Variants in MIER3 observed in about 807,000 individuals in gnomAD.
MIER3 encodes the protein MIER family member 3.
In MIER3, 9 loss-of-function variants were observed where a neutral mutation model predicts 63.2. That is an observed-to-expected ratio of 0.14 (90% CI 0.09 to 0.25). MIER3 has a LOEUF of 0.25. Ranked by LOEUF, MIER3 falls within the 10% of genes least tolerant of loss-of-function variation. The pLI, the probability that MIER3 is intolerant of heterozygous loss-of-function variation, is 1.00. For synonymous variants in MIER3, 205 were observed against 224.9 expected (o/e 0.91, Z 0.79); for missense variants, 512 against 666.2 (o/e 0.77, Z 2.55).
At chr5:56,940,548 G>T (rs1275456074) in intron 3 of MIER3, among the ~76,000 whole-genome samples, 1 of 152,234 alleles carries the variant, frequency 6.6e-6, no homozygotes, top group African/African-American at 2.4e-5. Flanking sequence ...TATGCTCAAT[G>T]AACTTACAAA....
At chr5:56,931,853 G>A (rs776025315) in intron 8 of MIER3, among the ~76,000 whole-genome samples, 5 of 152,168 alleles carry the variant, frequency 3.3e-5, no homozygotes, top group Non-Finnish European at 7.3e-5. Context: ...CAATTATGAG[G>A]TGTCAAAAAT....
intron 1 of MIER3, among the ~76,000 whole-genome samples, chr5:56,951,131 T>A (rs1172678619): frequency 6.6e-6 from 1 of 152,068 alleles, no homozygotes; most frequent in African/African-American, 2.4e-5. Flanking sequence ...GAAGCCGATC[T>A]CTTCCCCTGC....
intron 2 of MIER3, 140 bp downstream of exon 2, chr5:56,950,488 C>T: frequency 1.1e-6 from 1 of 870,296 alleles, no homozygotes; most frequent in Non-Finnish European, 1.8e-6. Flanking sequence ...CCAAACTTTA[C>T]TAAATGCACA....
chr5:56,937,737 T>A, intron 4 of MIER3, 39 bp from the exon 5 acceptor site: 1 of 1,511,974 alleles, frequency 6.6e-7, no homozygotes, highest in Non-Finnish European at 8.9e-7. Context: ...TTAGAAATGA[T>A]TACATCTCAT....
chr5:56,947,502 A>T (rs1750866464), intron 2 of MIER3, among the ~76,000 whole-genome samples: 1 of 152,214 alleles, frequency 6.6e-6, no homozygotes, highest in Admixed American at 6.5e-5. Flanking sequence ...TGCACACTTC[A>T]GGATAATATA....
chr5:56,923,250 G>C lies in MIER3; in HGVS notation c.1531C>G (p.His511Asp). 1.2e-6 allele frequency: 2 copies of C among 1,614,128 alleles called. No individual in the cohort carries two copies. The highest frequency in any genetic ancestry group is 1.1e-5 in the South Asian group (1 of 91,062). Reference protein sequence around the residue: ...LGVDFENHTHHITSAKMAVSV... With the variant: ...LGVDFENHTHDITSAKMAVSV... ...ACAGCCATTTTGGCACTGGTGATGTGATGTGTGTGATTTTCAAAGTCCACA... is the reference window on the plus strand; with the variant it reads ...ACAGCCATTTTGGCACTGGTGATGTCATGTGTGTGATTTTCAAAGTCCACA... Residue 511 changes from histidine (H) to aspartate (D), a missense_variant, in exon 13 of 13, where the codon CAC (histidine) becomes GAC (aspartate). His to Asp is a moderately conservative substitution (Grantham distance 81). Around this residue, in one of 5 missense-constraint regions of MIER3, gnomAD observed 218 missense variants for 251.2 expected, o/e 0.87. Transcript: ENST00000381199.
At chr5:56,933,607 A>G (rs1397060811) in intron 7 of MIER3, among the ~76,000 whole-genome samples, 1 of 152,224 alleles carries the variant, frequency 6.6e-6, no homozygotes, top group African/African-American at 2.4e-5. Context: ...CAGGGGCCAA[A>G]GCAAGTAGCT....
At position 56,935,748 on chromosome 5, in the gene MIER3, T is replaced by G; in HGVS notation, c.440A>C (p.Asn147Thr). 2 of 1,613,130 alleles carry G rather than the reference T, an allele frequency of 1.2e-6. No individual in the cohort carries two copies. The highest frequency in any genetic ancestry group is 1.7e-6 in the Non-Finnish European group (2 of 1,179,652). ...TTCCTTATCACCATCACATGCAGTA[T>G]TTGCTTAAAAGACAAAAATTAAAAA... is the stretch of plus-strand genomic sequence containing the variant. ...SDFFPRPLRS[N>T]TACDGDKESE... Residue 147 changes from asparagine (N) to threonine (T), a missense_variant, in exon 6 of 13, where the codon AAT (asparagine) becomes ACT (threonine). Physicochemically the swap from Asn to Thr is moderately conservative, Grantham distance 65 (BLOSUM62 0). Coordinates refer to ENST00000381199, the MANE Select transcript of MIER3 (RefSeq NM_001297599.2).
intron 3 of MIER3, among the ~76,000 whole-genome samples, chr5:56,942,201 G>A (rs974191655): frequency 2.6e-5 from 4 of 152,216 alleles, no homozygotes; most frequent in Non-Finnish European, 5.9e-5. Context: ...AGAAGTTGAT[G>A]AGCTCACCCA....
intron 7 of MIER3, among the ~76,000 whole-genome samples, chr5:56,935,041 T>C (rs1013608928): frequency 5.9e-5 from 9 of 152,192 alleles, no homozygotes; most frequent in Admixed American, 3.9e-4. Context: ...CCAGTCTCTT[T>C]TTCCCTCAAG....
Position 56,938,944 on chromosome 5 carries a change from G to C in MIER3, c.254C>G (p.Ser85Cys). The stretch of plus-strand genomic sequence containing the variant: ...TTCACTTGGGGAACTATTTGCACTG[G>C]AATTTGCAACTGCTGGAATTGTAGG... ...YEPTIPAVANSSANSSPSELA... is the reference protein window; with the variant it reads ...YEPTIPAVANCSANSSPSELA... The change falls in exon 4 of 13, where the codon TCC (serine) becomes TGC (cysteine). Residue 85 changes from serine (S) to cysteine (C), a missense_variant. Ser to Cys is a moderately radical substitution (Grantham distance 112, BLOSUM62 -1). This residue lies in a region of MIER3 where 98 missense variants were observed against 107.4 expected (regional missense o/e 0.91). Transcript: ENST00000381199. 6.2e-7 allele frequency: 1 copy of C among 1,614,132 alleles called. No individual in the cohort carries two copies. Among genetic ancestry groups the C allele is most frequent in the Non-Finnish European group, 8.5e-7 (1 of 1,180,018 alleles).
At chr5:56,943,216 A>G (rs1025572248) in intron 3 of MIER3, among the ~76,000 whole-genome samples, 1 of 152,132 alleles carries the variant, frequency 6.6e-6, no homozygotes, top group East Asian at 1.9e-4. Flanking sequence ...GAGGGAAGAA[A>G]GTACATACAT....
In MIER3 at chr5:56,935,116, C is replaced by T. The variant is rs1032297474; in HGVS notation, c.595+312G>A. On this transcript the variant is annotated intron_variant, in intron 7 of 12. Transcript: ENST00000381199. ...ATCTCAGGTGATGAGATCCTACCCA[C>T]TTCTACTGAAGCAGGATGAAGGCCA... Among the ~76,000 whole-genome samples, 8 of 152,114 alleles carry T rather than the reference C, an allele frequency of 5.3e-5. No homozygotes were observed. The East Asian group carries it at 1.5e-3, about 29-fold the overall frequency.
At chr5:56,944,017 T>A (rs1750741684) in intron 3 of MIER3, among the ~76,000 whole-genome samples, 1 of 152,148 alleles carries the variant, frequency 6.6e-6, no homozygotes, top group Admixed American at 6.5e-5. Flanking sequence ...CTAACCAATA[T>A]CTTGGACAAA....
At chr5:56,938,282 A>T in intron 4 of MIER3, 2 of 471,230 alleles carry the variant, frequency 4.2e-6, no homozygotes, top group Non-Finnish European at 8.8e-6. Flanking sequence ...AAAAGTGGGA[A>T]CAATATAACT....
At chr5:56,940,983 G>T in intron 3 of MIER3, 1 of 985,396 alleles carries the variant, frequency 1.0e-6, no homozygotes, top group Non-Finnish European at 1.2e-6. Flanking sequence ...CTGAAATGGG[G>T]AGTGGCAATT....
At chr5:56,930,301 T>C (rs1046031950) in intron 9 of MIER3, among the ~76,000 whole-genome samples, 3 of 152,072 alleles carry the variant, frequency 2.0e-5, no homozygotes, top group Non-Finnish European at 4.4e-5. Context: ...TTTTAATCTT[T>C]AATCTCCTTT....
intron 2 of MIER3, among the ~76,000 whole-genome samples, chr5:56,948,146 G>A (rs1750890632): frequency 6.6e-6 from 1 of 152,150 alleles, no homozygotes; most frequent in Non-Finnish European, 1.5e-5. Flanking sequence ...GACAGTGTGA[G>A]ATCATTACCA....
rs556906284 is a variant in MIER3, at chr5:56,944,807, A to C, written c.180+2119T>G. On this transcript the variant is annotated intron_variant, in intron 3 of 12. Transcript: ENST00000381199. Reference sequence around the variant, plus strand: ...TCTGGGATGATCAAGTGATCCTCCCACCTCAGCCTCCCAAGTAGCTGGGGC... The same window carrying C: ...TCTGGGATGATCAAGTGATCCTCCCCCCTCAGCCTCCCAAGTAGCTGGGGC... Among the ~76,000 whole-genome samples the C allele has an allele frequency of 1.3e-5, 2 of 151,904 alleles. 1 individual carries two copies. The highest frequency in any genetic ancestry group is 2.9e-5 in the Non-Finnish European group (2 of 68,000).
Sources: gnomAD v4.1 joint callset for allele counts (sites outside exome capture counted in the v4.1 genomes callset) on GRCh38, gnomAD v4.1.1 for gene constraint, gnomAD v4.1.1 regional missense constraint, MANE v1.5 for transcripts, NCBI Gene and HGNC (gene_info 2026-07-23, HGNC 2026-07-21) for gene names.